Variants in LRRC56 observed in about 807,000 individuals in gnomAD.
The protein encoded by LRRC56 is leucine-rich repeat-containing protein 56.
A neutral mutation model predicts 47.8 loss-of-function variants in LRRC56; 41 were observed. The ratio of observed to expected loss-of-function variants is 0.86; its 90% CI spans 0.67 to 1.11. The LOEUF (loss-of-function observed/expected upper bound fraction) is 1.11, where lower values mean the gene tolerates loss of function less well. Ranked by LOEUF, LRRC56 falls within the 50% of genes most tolerant of loss-of-function variation. The probability of loss-of-function intolerance (pLI) is 0.00; values close to 1 mark genes in which losing one functional copy is unlikely to be tolerated. For missense variants in LRRC56, 759 were observed against 704.2 expected (o/e 1.08, Z -0.88); for synonymous variants, 387 against 311.2 (o/e 1.24, Z -2.56).
At position 541,783 on chromosome 11, in the gene LRRC56, A is replaced by G. The variant is rs1415512975; in HGVS notation, c.265+159A>G. On this transcript the variant is annotated intron_variant, in intron 5 of 13. Coordinates refer to ENST00000270115, the MANE Select transcript of LRRC56 (RefSeq NM_198075.4). This position sits in a 1 kb window ranked among gnomAD's most constrained non-coding sequence, Gnocchi z 4.1. ...CTGACCTGAGGTCTGTGTCAGGTAC[A>G]GGCAGAGGGCAATGCACTCAGCACC... Among the ~76,000 whole-genome samples the G allele has an allele frequency of 1.3e-5, 2 of 152,078 alleles. No homozygotes were observed. The highest frequency in any genetic ancestry group is 2.1e-4 in the South Asian group (1 of 4,826).
the LRRC56 span, among the ~76,000 whole-genome samples, chr11:517,562 C>T: frequency 2.0e-5 from 3 of 150,328 alleles, no homozygotes; most frequent in Non-Finnish European, 3.0e-5. Flanking sequence ...TCTGCCCGGC[C>T]GTCCCATCTG....
the LRRC56 span, among the ~76,000 whole-genome samples, chr11:523,067 C>T: frequency 6.6e-6 from 1 of 152,052 alleles, no homozygotes; most frequent in Non-Finnish European, 1.5e-5. Context: ...CTCGCTATAT[C>T]ACCCAGGCTG....
At chr11:516,487 A>T in the LRRC56 span, among the ~76,000 whole-genome samples, 50,625 of 152,040 alleles carry the variant, frequency 0.33, 8,542 homozygotes, top group African/African-American at 0.38. Flanking sequence ...GTAGGCCCAC[A>T]GCATTGCCAC....
the LRRC56 span, among the ~76,000 whole-genome samples, chr11:508,211 G>A: frequency 6.6e-6 from 1 of 152,154 alleles, no homozygotes; most frequent in Non-Finnish European, 1.5e-5. Context: ...CACTGCTTAG[G>A]CTGTACTGCA....
At chr11:508,252 A>ACCTCCCGGACTCCAGTGAT in the LRRC56 span, among the ~76,000 whole-genome samples, 2 of 151,824 alleles carry the variant, frequency 1.3e-5, no homozygotes, top group African/African-American at 4.8e-5. Flanking sequence ...TGCAGCCTCC[A>ACCTCCCGGACTCCAGTGAT]CCTCCCGGAC....
At chr11:543,699 T>C (rs1851918592) in intron 5 of LRRC56, among the ~76,000 whole-genome samples, 2 of 152,080 alleles carry the variant, frequency 1.3e-5, no homozygotes, top group Admixed American at 1.3e-4. Context: ...ACTCGAGCCC[T>C]TCCCACAGGC....
the LRRC56 span, among the ~76,000 whole-genome samples, chr11:524,688 A>T: frequency 6.6e-6 from 1 of 152,178 alleles, no homozygotes. Context: ...AAATCTTTTC[A>T]ACAAGCAGTG....
chr11:541,173 A>T lies in LRRC56; in HGVS notation c.177+312A>T, dbSNP rs1277457549. On this transcript the variant is annotated intron_variant, in intron 4 of 13. Coordinates refer to ENST00000270115, the MANE Select transcript of LRRC56 (RefSeq NM_198075.4). This position sits in a 1 kb window ranked among gnomAD's most constrained non-coding sequence, Gnocchi z 4.1. Reference sequence around the variant, plus strand: ...GGGGCTGAGCATCCATTATCCTCCAACCAAAGAGGGGGGTCCTTCACTCAA... The same window carrying T: ...GGGGCTGAGCATCCATTATCCTCCATCCAAAGAGGGGGGTCCTTCACTCAA... Among the ~76,000 whole-genome samples the T allele has an allele frequency of 6.6e-6, 1 of 151,926 alleles. No homozygotes were observed. Among genetic ancestry groups the T allele is most frequent in the African/African-American group, 2.4e-5 (1 of 41,342 alleles).
chr11:507,677 G>A, the LRRC56 span, among the ~76,000 whole-genome samples: 1 of 152,234 alleles, frequency 6.6e-6, no homozygotes, highest in Non-Finnish European at 1.5e-5. Flanking sequence ...GGACAGGAGG[G>A]ACCCGGGAGA....
chr11:533,428 G>A (rs767565921), upstream of LRRC56: 8 of 1,611,390 alleles, frequency 5.0e-6, no homozygotes, highest in East Asian at 1.8e-4. Context: ...TCCCTGGCTA[G>A]CTGTGGGGTG....
Position 551,652 on chromosome 11 carries a change from C to A in LRRC56, c.798C>A (p.Asp266Glu). The A allele has an allele frequency of 6.4e-7, 1 of 1,559,116 alleles. No homozygotes were observed. The highest frequency in any genetic ancestry group is 8.7e-7 in the Non-Finnish European group (1 of 1,153,898). The change falls in exon 10 of 14, where the codon GAC becomes GAA. Residue 266 changes from aspartate to glutamate, a missense_variant and splice_region_variant. Asp to Glu is a conservative substitution (Grantham distance 45). Coordinates refer to ENST00000270115, the MANE Select transcript of LRRC56 (RefSeq NM_198075.4). Reference protein sequence around the residue: ...IKKGNGLPPLDCPRGAPIRRL... With the variant: ...IKKGNGLPPLECPRGAPIRRL... ...CCTCTGCTTCTGAACCTCGGGCAGA[C>A]TGTCCCCGTGGAGCCCCCATCCGGA... is the stretch of plus-strand genomic sequence containing the variant.
chr11:539,232 C>T (rs1369103280), intron 2 of LRRC56, among the ~76,000 whole-genome samples: 1 of 152,068 alleles, frequency 6.6e-6, no homozygotes, highest in African/African-American at 2.4e-5. Flanking sequence ...AGGCGTCCGC[C>T]ACCACGCCTG....
chr11:553,928 C>G (rs765026136), intron 13 of LRRC56, 35 bp from the exon 14 acceptor site: 1 of 1,592,954 alleles, frequency 6.3e-7, no homozygotes, highest in South Asian at 1.1e-5. Context: ...CCCTGACAGC[C>G]TTTCTGACGT....
chr11:525,687 G>C, the LRRC56 span, among the ~76,000 whole-genome samples: 1 of 152,080 alleles, frequency 6.6e-6, no homozygotes, highest in Non-Finnish European at 1.5e-5. Context: ...CTTGAGGCCA[G>C]GAGTTTGAGA....
chr11:519,317 A>C, the LRRC56 span, among the ~76,000 whole-genome samples: 1 of 120,272 alleles, frequency 8.3e-6, no homozygotes, highest in South Asian at 2.9e-4. Flanking sequence ...GGGCTGATAC[A>C]CAGGTGAGCT....
chr11:552,050 C>T (rs752772041), intron 11 of LRRC56, 40 bp from the exon 12 acceptor site: 1 of 1,604,712 alleles, frequency 6.2e-7, no homozygotes, highest in Non-Finnish European at 8.5e-7. Context: ...GCCGCCATTC[C>T]AGGGCCAGAA....
intron 6 of LRRC56, among the ~76,000 whole-genome samples, chr11:548,204 G>C (rs181328919): frequency 0.094 from 14,227 of 152,150 alleles, 659 homozygotes; most frequent in Middle Eastern, 0.14. Flanking sequence ...TGAATTATTG[G>C]CACTGAAACA....
In LRRC56 at chr11:552,717, C is replaced by G. The variant is rs1455904104; in HGVS notation, c.1315+15C>G. ...CCTGGCCTCAGGTACTGAGCCTGCC[C>G]GCCTGCCCCCCAGTGCCTGGGAGTG... On this transcript the variant is annotated intron_variant, in intron 13 of 13. Coordinates refer to ENST00000270115, the MANE Select transcript of LRRC56 (RefSeq NM_198075.4). The G allele has an allele frequency of 6.3e-7, 1 of 1,586,540 alleles. No homozygotes were observed. The highest frequency in any genetic ancestry group is 8.6e-7 in the Non-Finnish European group (1 of 1,165,996).
chr11:544,907 T>C, intron 6 of LRRC56, 127 bp downstream of exon 6: 1 of 939,186 alleles, frequency 1.1e-6, no homozygotes, highest in South Asian at 1.4e-5. Context: ...GACCCAGGGG[T>C]CTAGAGAGCT....
Sources: gnomAD v4.1 joint callset for allele counts (sites outside exome capture counted in the v4.1 genomes callset) on GRCh38, gnomAD v4.1.1 for gene constraint, Gnocchi (gnomAD v3.1) non-coding constraint, MANE v1.5 for transcripts, NCBI Gene and HGNC (gene_info 2026-07-23, HGNC 2026-07-21) for gene names.